CCSER1: variants seen among roughly 807,000 people sequenced by gnomAD.
The protein encoded by CCSER1 is coiled-coil serine rich protein 1.
A neutral mutation model predicts 82.0 loss-of-function variants in CCSER1; 41 were observed. The observed-to-expected ratio is 0.50, with a 90% CI of 0.39 to 0.65. The LOEUF (loss-of-function observed/expected upper bound fraction) is 0.65. Ranked by LOEUF, CCSER1 falls within the 30% of genes least tolerant of loss-of-function variation. The pLI, the probability that CCSER1 is intolerant of heterozygous loss-of-function variation, is 0.00. For synonymous variants in CCSER1, 414 were observed against 383.9 expected, an observed-to-expected ratio of 1.08 and a Z score of -0.92; for missense variants, 1,119 against 1,064.2, an observed-to-expected ratio of 1.05 and a Z score of -0.72.
chr4:90,171,045 C>G (rs1391058021), intron 1 of CCSER1, among the ~76,000 whole-genome samples: 1 of 151,508 alleles, frequency 6.6e-6, no homozygotes, highest in Non-Finnish European at 1.5e-5. Flanking sequence ...GTGATGGATA[C>G]CGAATTGCCT....
At chr4:90,986,973 G>A (rs1281059141) in intron 9 of CCSER1, among the ~76,000 whole-genome samples, 1 of 151,564 alleles carries the variant, frequency 6.6e-6, no homozygotes, top group Non-Finnish European at 1.5e-5. Flanking sequence ...GGTTAGACAC[G>A]TACTGTACAA....
chr4:91,037,972 A>G (rs1021156075), intron 9 of CCSER1, among the ~76,000 whole-genome samples: 5 of 152,174 alleles, frequency 3.3e-5, no homozygotes, highest in African/African-American at 1.2e-4. Context: ...TATCATATTT[A>G]CAATGAATAT....
intron 10 of CCSER1, among the ~76,000 whole-genome samples, chr4:91,425,953 T>C (rs768370711): frequency 4.6e-5 from 7 of 152,180 alleles, no homozygotes; most frequent in Admixed American, 6.5e-5. Flanking sequence ...TTTTGTTACA[T>C]AGGTATACAC....
intron 3 of CCSER1, among the ~76,000 whole-genome samples, chr4:90,328,082 A>G (rs1738556312): frequency 6.6e-6 from 1 of 152,150 alleles, no homozygotes; most frequent in Non-Finnish European, 1.5e-5. Context: ...TACCTGTCCT[A>G]TCTAAAAACT....
intron 3 of CCSER1, among the ~76,000 whole-genome samples, chr4:90,385,039 A>AT (rs1390047382): frequency 6.6e-6 from 1 of 152,188 alleles, no homozygotes; most frequent in Non-Finnish European, 1.5e-5. Context: ...ATTTCTATCC[A>AT]TGTTGTTGCA....
chr4:91,034,215 G>T (rs1474459964), intron 9 of CCSER1, among the ~76,000 whole-genome samples: 1 of 152,194 alleles, frequency 6.6e-6, no homozygotes, highest in Non-Finnish European at 1.5e-5. Context: ...CATTCAAGAT[G>T]ATAGGAGGAT....
At chr4:90,247,268 C>T (rs1721590170) in intron 1 of CCSER1, among the ~76,000 whole-genome samples, 1 of 152,138 alleles carries the variant, frequency 6.6e-6, no homozygotes, top group Admixed American at 6.6e-5. Flanking sequence ...CATCCCATAG[C>T]AAACATTAGG....
chr4:91,349,772 T>G (rs1449158398), intron 10 of CCSER1, among the ~76,000 whole-genome samples: 8 of 137,540 alleles, frequency 5.8e-5, no homozygotes, highest in Admixed American at 4.1e-4. Context: ...GTACATTTCA[T>G]GAAAGTTTGG....
At chr4:90,586,688 ATTACT>A (rs1303559751) in intron 5 of CCSER1, among the ~76,000 whole-genome samples, 2 of 152,208 alleles carry the variant, frequency 1.3e-5, no homozygotes, top group African/African-American at 4.8e-5. Flanking sequence ...ATTTCTTTAG[ATTACT>A]TTAAATAAAA....
intron 10 of CCSER1, among the ~76,000 whole-genome samples, chr4:91,363,088 T>C (rs1408809893): frequency 6.6e-6 from 1 of 151,546 alleles, no homozygotes. Context: ...CACAAGAAAC[T>C]CTCTTACAAA....
intron 10 of CCSER1, among the ~76,000 whole-genome samples, chr4:91,441,508 A>C (rs1314461146): frequency 6.6e-6 from 1 of 152,072 alleles, no homozygotes; most frequent in Non-Finnish European, 1.5e-5. Flanking sequence ...ACTCACAGCC[A>C]ATATCATACT....
At chr4:91,467,507 T>G (rs1189809595) in intron 10 of CCSER1, among the ~76,000 whole-genome samples, 1 of 152,130 alleles carries the variant, frequency 6.6e-6, no homozygotes, top group African/African-American at 2.4e-5. Flanking sequence ...AAATGGGATC[T>G]AATTAAACTA....
intron 1 of CCSER1, among the ~76,000 whole-genome samples, chr4:90,267,687 C>A (rs1215572176): frequency 6.6e-6 from 1 of 152,130 alleles, no homozygotes; most frequent in Non-Finnish European, 1.5e-5. Flanking sequence ...AAGAGTCTCT[C>A]CCTGGTCATC....
chr4:90,157,280 G>A (rs375180993), intron 1 of CCSER1, among the ~76,000 whole-genome samples: 3 of 152,114 alleles, frequency 2.0e-5, no homozygotes, highest in Non-Finnish European at 4.4e-5. Context: ...TGAGTAACCC[G>A]ACCTTTCTCT....
intron 5 of CCSER1, among the ~76,000 whole-genome samples, chr4:90,473,297 C>T (rs1243038940): frequency 6.6e-6 from 1 of 152,058 alleles, no homozygotes; most frequent in Non-Finnish European, 1.5e-5. Context: ...ATTTTTGTGA[C>T]CATTGTAAAG....
At chr4:91,281,633 G>A (rs1284989049) in intron 10 of CCSER1, among the ~76,000 whole-genome samples, 1 of 152,136 alleles carries the variant, frequency 6.6e-6, no homozygotes, top group Non-Finnish European at 1.5e-5. Context: ...AAAATGTAAA[G>A]CCAAGGTCTT....
At chr4:90,290,668 T>C (rs1730763029) in intron 1 of CCSER1, among the ~76,000 whole-genome samples, 1 of 151,966 alleles carries the variant, frequency 6.6e-6, no homozygotes. Flanking sequence ...TTGTTGCTAG[T>C]GGCTGCATTT....
At chr4:90,474,802 GTATT>G (rs1764839682) in intron 5 of CCSER1, among the ~76,000 whole-genome samples, 1 of 152,070 alleles carries the variant, frequency 6.6e-6, no homozygotes, top group African/African-American at 2.4e-5. Flanking sequence ...GTGTCAATAT[GTATT>G]TATGAACCTT....
intron 9 of CCSER1, among the ~76,000 whole-genome samples, chr4:91,074,868 A>G (rs1721801696): frequency 6.6e-6 from 1 of 152,212 alleles, no homozygotes; most frequent in Non-Finnish European, 1.5e-5. Context: ...TGTCACAACG[A>G]AATCTCTGAA....
Sources: gnomAD v4.1 joint callset for allele counts (sites outside exome capture counted in the v4.1 genomes callset) on GRCh38, gnomAD v4.1.1 for gene constraint, MANE v1.5 for transcripts, NCBI Gene and HGNC (gene_info 2026-07-23, HGNC 2026-07-21) for gene names.